PLXNA4: variants seen among roughly 807,000 people sequenced by gnomAD.
The protein encoded by PLXNA4 is plexin A4, also known as plexin-A4.
In PLXNA4, 44 loss-of-function variants were observed where a neutral mutation model predicts 191.8. The observed-to-expected ratio is 0.23, with a 90% CI of 0.18 to 0.29. The LOEUF is 0.29. Ranked by LOEUF, PLXNA4 falls within the 10% of genes least tolerant of loss-of-function variation. The pLI is 1.00. For synonymous variants in PLXNA4, 1,082 were observed against 1,009.5 expected (o/e 1.07, Z -1.36); for missense variants, 1,800 against 2,488.8 (o/e 0.72, Z 5.89).
At chr7:132,217,766 T>C (rs1798009681) in intron 9 of PLXNA4, among the ~76,000 whole-genome samples, 1 of 151,888 alleles carries the variant, frequency 6.6e-6, no homozygotes, top group Admixed American at 6.6e-5. Context: ...GAAATACCCA[T>C]AACCTGAAGT....
intron 3 of PLXNA4, chr7:132,383,601 C>T (rs994664501): frequency 1.0e-6 from 1 of 984,286 alleles, no homozygotes; most frequent in African/African-American, 1.7e-5. Context: ...ACAAGATTGG[C>T]CTTTATAAAC....
chr7:132,484,661 A>G (rs931862292), intron 3 of PLXNA4: 21 of 1,293,864 alleles, frequency 1.6e-5, no homozygotes, highest in Non-Finnish European at 9.4e-6. Context: ...TATCAAATAC[A>G]TATGCCCTCT....
intron 6 of PLXNA4, 32 bp downstream of exon 6, chr7:132,228,314 C>A (rs746723045): frequency 6.2e-7 from 1 of 1,613,368 alleles, no homozygotes; most frequent in South Asian, 1.1e-5. Context: ...CCTTGCATCC[C>A]TGGACCCCAC....
Position 132,181,473 on chromosome 7 carries a change from T to A in PLXNA4, c.3400A>T (p.Thr1134Ser), listed in dbSNP as rs765462718. Residue 1134 changes from threonine (T) to serine (S), a missense_variant, in exon 18 of 32, where the codon ACC (threonine) becomes TCC (serine). Around this residue, in one of 6 missense-constraint regions of PLXNA4, gnomAD observed 1,397 missense variants for 1,880.4 expected, o/e 0.74. Transcript: ENST00000321063. ...NVQSLLILNK[T>S]NFTYYPNPVF... The stretch of plus-strand genomic sequence containing the variant: ...GGGTTGGGATAGTAGGTGAAGTTGG[T>A]CTTGTTGAGGATGAGCAGGGACTGG... 3 of 1,614,014 alleles carry A rather than the reference T, an allele frequency of 1.9e-6. No homozygotes were observed. Among genetic ancestry groups the A allele is most frequent in the South Asian group, 1.1e-5 (1 of 91,054 alleles).
chr7:132,336,773 A>T (rs146467376), intron 3 of PLXNA4, among the ~76,000 whole-genome samples: 8 of 152,362 alleles, frequency 5.3e-5, no homozygotes, highest in African/African-American at 1.9e-4. Flanking sequence ...CAGCAAAAAC[A>T]CTTGAGCAAC....
intron 4 of PLXNA4, among the ~76,000 whole-genome samples, chr7:132,260,206 C>A (rs543399218): frequency 6.6e-6 from 1 of 152,108 alleles, no homozygotes. Flanking sequence ...GACCTGCACT[C>A]GTATGTTTAT....
chr7:132,332,622 G>C (rs1398974898), intron 3 of PLXNA4, among the ~76,000 whole-genome samples: 1 of 152,062 alleles, frequency 6.6e-6, no homozygotes, highest in African/African-American at 2.4e-5. Flanking sequence ...GCCAAGGCGG[G>C]AGGACTGCTT....
chr7:132,604,314 T>C (rs1272058389), intron 2 of PLXNA4, among the ~76,000 whole-genome samples: 4 of 151,994 alleles, frequency 2.6e-5, no homozygotes, highest in Non-Finnish European at 5.9e-5. Context: ...CCTGGAACAA[T>C]GGGAGGAGCT....
At position 132,185,433 on chromosome 7, in the gene PLXNA4, G is replaced by T. The variant is rs1199169351; in HGVS notation, c.3024C>A (p.Thr1008=). 1 of 1,613,810 alleles carries T rather than the reference G, an allele frequency of 6.2e-7. No homozygotes were observed. ...TCTCTAGCACCTCATCTGAGGATGT[G>T]GTGTTGCAGACAATGTAGGATGGAG... ...RRSPSYIVCN[T]TSSDEVLEMK... is the part of the protein sequence containing the mutation. The change falls in exon 16 of 32, where the codon ACC becomes ACA. Residue 1008 remains threonine (T), a synonymous_variant. Transcript: ENST00000321063.
intron 31 of PLXNA4, among the ~76,000 whole-genome samples, chr7:132,132,458 T>TCTGC (rs1794976883): frequency 9.7e-4 from 54 of 55,616 alleles, no homozygotes; most frequent in Admixed American, 1.7e-3. Context: ...TTCTGTTCTG[T>TCTGC]TCTGTTCTGC....
In PLXNA4 at chr7:132,501,033, G is replaced by A. The variant is rs532091292; in HGVS notation, c.1188+6473C>T. Among the ~76,000 whole-genome samples the A allele has an allele frequency of 2.6e-5, 4 of 152,346 alleles. No individual in the cohort carries two copies. The East Asian group carries it at 5.8e-4, about 22-fold the overall frequency. On this transcript the variant is annotated intron_variant, in intron 2 of 31. Transcript: ENST00000321063. ...GGATTGTTAAGTAGGGCTGGTCTAT[G>A]TGCCCATTGAACAAGAGGTCTGGCT... is the stretch of plus-strand genomic sequence containing the variant.
At chr7:132,487,339 GAA>G (rs776497282) in intron 3 of PLXNA4, among the ~76,000 whole-genome samples, 15 of 152,266 alleles carry the variant, frequency 9.9e-5, no homozygotes, top group Admixed American at 3.3e-4. Flanking sequence ...GCTCACCGGA[GAA>G]AAGAGTTAAA....
intron 24 of PLXNA4, among the ~76,000 whole-genome samples, chr7:132,161,026 T>C (rs564708122): frequency 5.9e-5 from 9 of 152,196 alleles, no homozygotes; most frequent in Non-Finnish European, 1.3e-4. Context: ...GCGCTCCATG[T>C]GTGCCTCCTC....
intron 3 of PLXNA4, among the ~76,000 whole-genome samples, chr7:132,485,260 A>G (rs974080291): frequency 2.0e-5 from 3 of 152,200 alleles, no homozygotes; most frequent in African/African-American, 7.2e-5. Flanking sequence ...CCGCTTAACC[A>G]ACATCCATAC....
intron 3 of PLXNA4, among the ~76,000 whole-genome samples, chr7:132,481,320 G>A (rs1166781453): frequency 1.3e-5 from 2 of 152,026 alleles, no homozygotes; most frequent in Non-Finnish European, 2.9e-5. Context: ...AGGTACCAGA[G>A]GTCCAGCCAC....
At chr7:132,638,339 T>C (rs1051738218) in intron 2 of PLXNA4, among the ~76,000 whole-genome samples, 1 of 152,060 alleles carries the variant, frequency 6.6e-6, no homozygotes, top group Admixed American at 6.5e-5. Flanking sequence ...TGAGACAATC[T>C]CAGTAAAACT....
chr7:132,383,991 G>A, intron 3 of PLXNA4: 1 of 985,384 alleles, frequency 1.0e-6, no homozygotes, highest in South Asian at 4.7e-5. Context: ...CCCTATGCAG[G>A]TGCACATGGC....
At chr7:132,200,363 G>A (rs1478218306) in intron 12 of PLXNA4, among the ~76,000 whole-genome samples, 2 of 152,208 alleles carry the variant, frequency 1.3e-5, no homozygotes, top group Non-Finnish European at 2.9e-5. Context: ...AGGTGTGAAG[G>A]TGAGCGGTGG....
chr7:132,642,079 T>C (rs541717977), intron 2 of PLXNA4, among the ~76,000 whole-genome samples: 7 of 152,192 alleles, frequency 4.6e-5, no homozygotes, highest in African/African-American at 1.2e-4. Flanking sequence ...ATATAATATA[T>C]AAGCAAATTG....
Sources: gnomAD v4.1 joint callset for allele counts (sites outside exome capture counted in the v4.1 genomes callset) on GRCh38, gnomAD v4.1.1 for gene constraint, gnomAD v4.1.1 regional missense constraint, MANE v1.5 for transcripts, NCBI Gene and HGNC (gene_info 2026-07-23, HGNC 2026-07-21) for gene names.